ZNF208: variants seen among roughly 807,000 people sequenced by gnomAD.
ZNF208 encodes the protein zinc finger protein 95.
In ZNF208, 10 loss-of-function variants were observed where a neutral mutation model predicts 12.1. The observed-to-expected ratio is 0.83, with a 90% CI of 0.51 to 1.40. ZNF208 has a LOEUF of 1.40. Ranked by LOEUF, ZNF208 falls within the 40% of genes most tolerant of loss-of-function variation. ZNF208 has a pLI of 0.00. For synonymous variants in ZNF208, 497 were observed against 488.4 expected, an observed-to-expected ratio of 1.02 and a Z score of -0.23; for missense variants, 1,652 against 1,485.0, an observed-to-expected ratio of 1.11 and a Z score of -1.85.
chr19:21,943,560 G>A (rs2145509713), intron 4 of ZNF208, among the ~76,000 whole-genome samples: 1 of 152,246 alleles, frequency 6.6e-6, no homozygotes, highest in South Asian at 2.1e-4. Flanking sequence ...ATACACAGGA[G>A]GATCCTGATC....
intron 4 of ZNF208, among the ~76,000 whole-genome samples, chr19:21,951,502 T>C (rs1439919331): frequency 1.3e-5 from 2 of 152,180 alleles, no homozygotes; most frequent in Non-Finnish European, 2.9e-5. Context: ...ACCAAAAAAT[T>C]AATTTTGCAA....
Position 21,970,693 on chromosome 19 carries a change from A to T in ZNF208, c.*498T>A, listed in dbSNP as rs2359812. ...TTTGCCACATTCTTCTCATTTGTAGAGTTTCTCTCCAGCATGAATTTTCTT... is the reference window on the plus strand; with the variant it reads ...TTTGCCACATTCTTCTCATTTGTAGTGTTTCTCTCCAGCATGAATTTTCTT... On this transcript the variant is annotated 3_prime_UTR_variant, in exon 4 of 4. Coordinates refer to ENST00000397126, the MANE Select transcript of ZNF208 (RefSeq NM_007153.3). 648,631 of 1,125,244 alleles carry T rather than the reference A, an allele frequency of 0.58. 190,433 individuals carry two copies. Among genetic ancestry groups the T allele is most frequent in the African/African-American group, 0.71 (46,196 of 65,192 alleles). The allele number at this position is 1,125,244 out of a possible 1,614,324, so 69.7% of individuals were successfully genotyped here.
chr19:21,944,190 G>T (rs2522092), intron 4 of ZNF208, among the ~76,000 whole-genome samples: 93,846 of 151,960 alleles, frequency 0.62, 29,695 homozygotes, highest in African/African-American at 0.74. Flanking sequence ...TGAATCCTAG[G>T]CATTTCTGAA....
At chr19:21,988,749 T>C in intron 2 of ZNF208, 34 bp downstream of exon 2, 3 of 1,608,260 alleles carry the variant, frequency 1.9e-6, no homozygotes, top group East Asian at 4.5e-5. Context: ...ACCTGTAGTG[T>C]ATACTAGGAA....
chr19:22,002,176 T>C (rs7255484), intron 1 of ZNF208, among the ~76,000 whole-genome samples: 19,581 of 151,994 alleles, frequency 0.13, 1,521 homozygotes, highest in Admixed American at 0.21. Flanking sequence ...CTCAACAAAC[T>C]AGGCATTGAA....
intron 3 of ZNF208, chr19:21,986,772 A>G (rs905649450): frequency 8.7e-6 from 3 of 345,604 alleles, no homozygotes; most frequent in East Asian, 8.2e-5. Flanking sequence ...AGTAATAAAA[A>G]CAGGATGAAA....
intron 4 of ZNF208, among the ~76,000 whole-genome samples, chr19:21,957,090 C>T (rs151292374): frequency 1.0e-3 from 159 of 152,306 alleles, no homozygotes; most frequent in Admixed American, 2.5e-3. Context: ...CTGTGGCCAG[C>T]ATGCAGTGGC....
chr19:21,958,804 G>A (rs1425665952), intron 4 of ZNF208, among the ~76,000 whole-genome samples: 5 of 152,074 alleles, frequency 3.3e-5, no homozygotes, highest in Non-Finnish European at 5.9e-5. Context: ...CTCCCTAACA[G>A]CAGTTAGGGT....
chr19:21,990,963 G>A (rs1004080245), intron 1 of ZNF208, among the ~76,000 whole-genome samples: 4 of 152,190 alleles, frequency 2.6e-5, no homozygotes, highest in African/African-American at 9.7e-5. Flanking sequence ...TTTGTATCCT[G>A]AGACTTTGTC....
rs1273822082 is a variant in ZNF208 at position 21,974,684 on chromosome 19, T to A, written c.350A>T (p.Tyr117Phe). 6.2e-7 allele frequency: 1 copy of A among 1,613,654 alleles called. No individual in the cohort carries two copies. The highest frequency in any genetic ancestry group is 2.2e-5 in the East Asian group (1 of 44,830). ...GHENLHLKIG[Y>F]TNVDECKVHK... Reference sequence around the variant, plus strand: ...CACCTTACACTCATCCACATTGGTATAACCAATTTTTAAGTGTAAATTCTC... The same window carrying A: ...CACCTTACACTCATCCACATTGGTAAAACCAATTTTTAAGTGTAAATTCTC... The change falls in exon 4 of 4, where the codon TAT becomes TTT. Residue 117 changes from tyrosine (Y) to phenylalanine (F), a missense_variant. Around this residue, in one of 3 missense-constraint regions of ZNF208, gnomAD observed 410 missense variants for 378.2 expected, o/e 1.08. Transcript: ENST00000397126.
chr19:21,961,944 T>G (rs963951559), downstream of ZNF208, among the ~76,000 whole-genome samples: 3 of 152,132 alleles, frequency 2.0e-5, no homozygotes, highest in African/African-American at 7.2e-5. Context: ...ACAATACTGG[T>G]CCTGAGGTGA....
chr19:21,988,848 T>C lies in ZNF208; in HGVS notation c.65A>G (p.Asp22Gly), dbSNP rs753304507. 6.2e-7 allele frequency: 1 copy of C among 1,614,164 alleles called. No individual in the cohort carries two copies. Among genetic ancestry groups the C allele is most frequent in the South Asian group, 1.1e-5 (1 of 91,088 alleles). Residue 22 changes from aspartate (D) to glycine (G), a missense_variant, in exon 2 of 4, where the codon GAC becomes GGC. Physicochemically the swap from Asp to Gly is moderately conservative, Grantham distance 94. Coordinates refer to ENST00000397126, the MANE Select transcript of ZNF208 (RefSeq NM_007153.3). ...EFSLEEWQCL[D>G]TAQQNLYRNV... ...TCTATATAAATTCTGCTGTGCAGTG[T>C]CCAGGCATTGCCACTCCTCCAGAGA...
At chr19:21,941,278 A>C in intron 4 of ZNF208, 1 of 399,222 alleles carries the variant, frequency 2.5e-6, no homozygotes, top group African/African-American at 2.1e-5. Context: ...CAGAAACCAA[A>C]GGCAGACGCT....
At chr19:21,975,755 A>G (rs1419087319) in intron 3 of ZNF208, among the ~76,000 whole-genome samples, 3 of 151,324 alleles carry the variant, frequency 2.0e-5, no homozygotes, top group African/African-American at 7.3e-5. Context: ...ATAAGAACAA[A>G]AATGACCAGT....
Position 21,969,935 on chromosome 19 carries a change from T to C in ZNF208, c.*1256A>G, listed in dbSNP as rs1009125894. Among the ~76,000 whole-genome samples, 25 of 152,190 alleles carry C rather than the reference T, an allele frequency of 1.6e-4. No homozygotes were observed. Among genetic ancestry groups the C allele is most frequent in the African/African-American group, 5.3e-4 (22 of 41,456 alleles). The stretch of plus-strand genomic sequence containing the variant: ...AATTTTTTTTTCCAGACAGTCTCTC[T>C]CTGTTGCCCAGGCTAGTGTAAATGC... On this transcript the variant is annotated 3_prime_UTR_variant, in exon 4 of 4. Coordinates refer to ENST00000397126, the MANE Select transcript of ZNF208 (RefSeq NM_007153.3).
intron 3 of ZNF208, among the ~76,000 whole-genome samples, chr19:21,986,151 A>G: frequency 6.6e-6 from 1 of 152,324 alleles, no homozygotes; most frequent in South Asian, 2.1e-4. Context: ...TTCTATTTTA[A>G]CACAGCACTT....
At chr19:21,958,559 C>T (rs912375589) in intron 4 of ZNF208, among the ~76,000 whole-genome samples, 2 of 152,190 alleles carry the variant, frequency 1.3e-5, no homozygotes, top group Non-Finnish European at 2.9e-5. Flanking sequence ...TGTCAGCAGC[C>T]TCAACCTTTT....
intron 1 of ZNF208, among the ~76,000 whole-genome samples, chr19:22,008,467 C>A (rs1436017770): frequency 6.6e-6 from 1 of 152,110 alleles, no homozygotes; most frequent in Admixed American, 6.5e-5. Context: ...AGTAACCATT[C>A]TCTCAGGAGA....
intron 4 of ZNF208, among the ~76,000 whole-genome samples, chr19:21,957,195 A>G (rs1969990548): frequency 6.6e-6 from 1 of 152,074 alleles, no homozygotes; most frequent in African/African-American, 2.4e-5. Context: ...ATGCACCACC[A>G]TGGCCAGCTA....
Sources: allele counts gnomAD v4.1 joint callset (sites outside exome capture counted in the v4.1 genomes callset), GRCh38; gene constraint gnomAD v4.1.1; regional missense constraint gnomAD v4.1.1; transcripts MANE v1.5; gene names NCBI Gene and HGNC (gene_info 2026-07-23, HGNC 2026-07-21).